Variants in CMC1 observed in about 807,000 individuals in gnomAD.
CMC1 encodes COX assembly mitochondrial protein homolog.
In CMC1, 14 loss-of-function variants were observed where a neutral mutation model predicts 14.1. The observed-to-expected ratio is 0.99, with a 90% CI of 0.66 to 1.55. The LOEUF (loss-of-function observed/expected upper bound fraction) is 1.55, where lower values mean the gene tolerates loss of function less well. Ranked by LOEUF, CMC1 falls within the 40% of genes most tolerant of loss-of-function variation. The probability of loss-of-function intolerance (pLI) is 0.00; values close to 1 mark genes in which losing one functional copy is unlikely to be tolerated. For synonymous variants in CMC1, 50 were observed against 38.4 expected (o/e 1.30, Z -1.12); for missense variants, 127 against 123.8 (o/e 1.03, Z -0.12).
intron 2 of CMC1, among the ~76,000 whole-genome samples, chr3:28,269,970 G>T (rs1045390988): frequency 2.0e-5 from 3 of 152,140 alleles, no homozygotes; most frequent in African/African-American, 7.2e-5. Flanking sequence ...TCCCCTCCCC[G>T]TGTCCATGCT....
chr3:28,300,047 TTAAG>T (rs1244369037), intron 2 of CMC1, among the ~76,000 whole-genome samples: 2 of 152,174 alleles, frequency 1.3e-5, no homozygotes, highest in Admixed American at 6.5e-5. Context: ...ACTATACTTA[TTAAG>T]TGTCTAATTA....
At chr3:28,282,655 G>A (rs1019998181) in intron 2 of CMC1, among the ~76,000 whole-genome samples, 1 of 152,078 alleles carries the variant, frequency 6.6e-6, no homozygotes, top group African/African-American at 2.4e-5. Context: ...AGTTCACATT[G>A]TCAGGCTGCT....
At chr3:28,273,390 A>G (rs569658695) in intron 2 of CMC1, among the ~76,000 whole-genome samples, 1 of 152,134 alleles carries the variant, frequency 6.6e-6, no homozygotes, top group Non-Finnish European at 1.5e-5. Context: ...ATTTCTATTT[A>G]GTTGTGTGGT....
chr3:28,323,757 CAATT>C lies in CMC1; in HGVS notation c.*4132_*4135del, dbSNP rs764318820. ...CATTCTTCTGAGAGGCAAAATTTTA[CAATT>C]AATATAGAAGGCAGAGTTTTTTAAA... On this transcript the variant is annotated 3_prime_UTR_variant, in exon 4 of 4. Transcript: ENST00000466830. 1.7e-4 allele frequency: 39 copies of C among 228,954 alleles called. No homozygotes were observed. Among genetic ancestry groups the C allele is most frequent in the Admixed American group, 3.3e-4 (6 of 18,218 alleles). 14.2% of individuals were successfully genotyped at this position (228,954 alleles called of 1,614,324 possible).
chr3:28,281,510 A>G (rs1267916103), intron 2 of CMC1, among the ~76,000 whole-genome samples: 1 of 152,198 alleles, frequency 6.6e-6, no homozygotes, highest in Non-Finnish European at 1.5e-5. Context: ...TAATTTACAG[A>G]ATTAAGTTTA....
chr3:28,276,704 A>C (rs1007663947), intron 2 of CMC1, among the ~76,000 whole-genome samples: 7 of 152,232 alleles, frequency 4.6e-5, no homozygotes, highest in Non-Finnish European at 8.8e-5. Context: ...TGACACTGGT[A>C]AACATTTTGC....
At chr3:28,257,094 A>G (rs1576987887) in intron 1 of CMC1, among the ~76,000 whole-genome samples, 1 of 152,190 alleles carries the variant, frequency 6.6e-6, no homozygotes, top group African/African-American at 2.4e-5. Flanking sequence ...CCTAATTTCT[A>G]ATAGTTATGT....
chr3:28,316,001 C>T (rs934956197), intron 2 of CMC1: 1 of 172,280 alleles, frequency 5.8e-6, no homozygotes, highest in South Asian at 1.8e-4. Flanking sequence ...GAAATCCTAT[C>T]TCTACATCCT....
chr3:28,275,572 T>C (rs570891584), intron 2 of CMC1, among the ~76,000 whole-genome samples: 35 of 152,144 alleles, frequency 2.3e-4, no homozygotes, highest in African/African-American at 8.4e-4. Context: ...AACCCCCCGA[T>C]TGGGTCTCAC....
At chr3:28,277,403 T>A (rs1276612831) in intron 2 of CMC1, among the ~76,000 whole-genome samples, 1 of 152,218 alleles carries the variant, frequency 6.6e-6, no homozygotes, top group Non-Finnish European at 1.5e-5. Flanking sequence ...ATGTGGAATG[T>A]ACTCATTTAA....
At chr3:28,270,558 A>G (rs1700227246) in intron 2 of CMC1, among the ~76,000 whole-genome samples, 1 of 151,900 alleles carries the variant, frequency 6.6e-6, no homozygotes, top group Non-Finnish European at 1.5e-5. Context: ...AGGTCTTGAA[A>G]AGTGTCTGTT....
rs1703321612 is a variant in CMC1 at position 28,324,792 on chromosome 3, A to G, written c.*5163A>G. 1 of 184,684 alleles carries G rather than the reference A, an allele frequency of 5.4e-6. No homozygotes were observed. The highest frequency in any genetic ancestry group is 1.1e-5 in the Non-Finnish European group (1 of 90,068). The allele number at this position is 184,684 out of a possible 1,614,324, so 11.4% of individuals were successfully genotyped here. ...ATTTTTAAAAGTTGGAAACTAATAC[A>G]GTTAAAATACAAATAAAGATCCTGT... is the stretch of plus-strand genomic sequence containing the variant. On this transcript the variant is annotated 3_prime_UTR_variant, in exon 4 of 4. Transcript: ENST00000466830.
At chr3:28,279,791 T>A (rs946458385) in intron 2 of CMC1, among the ~76,000 whole-genome samples, 49 of 152,264 alleles carry the variant, frequency 3.2e-4, no homozygotes, top group African/African-American at 1.1e-3. Flanking sequence ...CTTACGGACT[T>A]GTAGGACAAT....
chr3:28,294,636 ATAAAG>A (rs1406184769), intron 2 of CMC1: 1 of 162,244 alleles, frequency 6.2e-6, no homozygotes, highest in African/African-American at 2.4e-5. Flanking sequence ...TAAAGTCAAC[ATAAAG>A]TAATAATACC....
intron 2 of CMC1, among the ~76,000 whole-genome samples, chr3:28,275,328 GTTTTTTTTTTTTC>G (rs1369791307): frequency 4.2e-5 from 3 of 72,220 alleles, no homozygotes; most frequent in Non-Finnish European, 6.9e-5. Flanking sequence ...TTAGTTGTTT[GTTTTTTTTTTTTC>G]TTTTTTTTTT....
Position 28,281,474 on chromosome 3 carries a change from T to C in CMC1, c.109+18094T>C, listed in dbSNP as rs1026436399. ...TCAGTAATTTTTAAAACTTCTGATA[T>C]TGCTCTGAATGCACAGAATTAAGTT... On this transcript the variant is annotated intron_variant, in intron 2 of 3. Transcript: ENST00000466830. 7.9e-5 allele frequency among the ~76,000 whole-genome samples: 12 copies of C among 152,216 alleles called. 1 individual carries two copies. The highest frequency in any genetic ancestry group is 5.2e-4 in the Admixed American group (8 of 15,282).
chr3:28,316,594 AAG>A (rs1292282934), intron 3 of CMC1, 171 bp downstream of exon 3: 6 of 398,012 alleles, frequency 1.5e-5, no homozygotes, highest in Non-Finnish European at 2.2e-5. Context: ...ATATTTATGA[AAG>A]AGTCTTTTCA....
At chr3:28,280,170 A>G (rs1431678042) in intron 2 of CMC1, among the ~76,000 whole-genome samples, 1 of 152,194 alleles carries the variant, frequency 6.6e-6, no homozygotes, top group Non-Finnish European at 1.5e-5. Context: ...TTTTAATATT[A>G]TGTTCTAGAA....
At chr3:28,285,769 AT>A (rs34243188) in intron 2 of CMC1, among the ~76,000 whole-genome samples, 32,509 of 142,178 alleles carry the variant, frequency 0.23, 3,439 homozygotes, top group Non-Finnish European at 0.29. Context: ...AATTCTCAGC[AT>A]TTTTTTTTTT....
Sources: gnomAD v4.1 joint callset for allele counts (sites outside exome capture counted in the v4.1 genomes callset) on GRCh38, gnomAD v4.1.1 for gene constraint, MANE v1.5 for transcripts, NCBI Gene and HGNC (gene_info 2026-07-23, HGNC 2026-07-21) for gene names.